CDH24: variants seen among roughly 807,000 people sequenced by gnomAD.
CDH24 encodes the protein cadherin-24.
In CDH24, 61 loss-of-function variants were observed where a neutral mutation model predicts 71.2. The ratio of observed to expected loss-of-function variants is 0.86; its 90% confidence interval spans 0.70 to 1.06. The LOEUF (loss-of-function observed/expected upper bound fraction) is 1.06, where lower values mean the gene tolerates loss of function less well. Ranked by LOEUF, CDH24 falls within the 50% of genes least tolerant of loss-of-function variation. CDH24 has a pLI of 0.00. For missense variants in CDH24, 961 were observed against 1,083.7 expected (o/e 0.89, Z 1.59); for synonymous variants, 440 against 470.2 (o/e 0.94, Z 0.83).
At chr14:23,052,298 A>G in intron 8 of CDH24, 175 bp downstream of exon 8, 1 of 801,398 alleles carries the variant, frequency 1.2e-6, no homozygotes, top group Non-Finnish European at 2.1e-6. Context: ...CCAGGCTAGG[A>G]CCCAGATCCA....
In CDH24 at chr14:23,049,063, G is replaced by C. The variant is rs141827332; in HGVS notation, c.1810C>G (p.Leu604Val). ...LSAAGLSTGA[L>V]LAIITCVGAL... ...CCCACACAGGTGATGATGGCAAGCA[G>C]GGCGCCGGTGCTGAGCCCAGCAGCT... is the stretch of plus-strand genomic sequence containing the variant. The change falls in exon 11 of 13, where the codon CTG becomes GTG. Residue 604 changes from leucine (L) to valine (V), a missense_variant. Physicochemically the swap from Leu to Val is conservative, Grantham distance 32. Around this residue, in one of 2 missense-constraint regions of CDH24, gnomAD observed 671 missense variants for 810.9 expected, o/e 0.83. Transcript: ENST00000487137. The C allele has an allele frequency of 6.2e-7, 1 of 1,612,816 alleles. No individual in the cohort carries two copies. The highest frequency in any genetic ancestry group is 8.5e-7 in the Non-Finnish European group (1 of 1,179,914).
Position 23,054,856 on chromosome 14 carries a change from C to T in CDH24, c.507G>A (p.Val169=). Reference sequence around the variant, plus strand: ...CAGCATCGTGAGCAGTCACCTGGATCACTGATGTCCCTGTGGGGGATGCCA... The same window carrying T: ...CAGCATCGTGAGCAGTCACCTGGATTACTGATGTCCCTGTGGGGGATGCCA... The part of the protein sequence containing the change: ...VPEMSNVGTS[V]IQVTAHDADD... The change falls in exon 4 of 13, where the codon GTG becomes GTA. Residue 169 remains valine (V), a synonymous_variant. Coordinates refer to ENST00000487137, the MANE Select transcript of CDH24 (RefSeq NM_144985.4). This position sits in a 1 kb window ranked among gnomAD's most constrained non-coding sequence, Gnocchi z 5.2. The T allele has an allele frequency of 6.2e-7, 1 of 1,613,212 alleles. No homozygotes were observed. The highest frequency in any genetic ancestry group is 8.5e-7 in the Non-Finnish European group (1 of 1,179,996).
chr14:23,052,557 C>T lies in CDH24; in HGVS notation c.1279G>A (p.Glu427Lys), dbSNP rs779451314. Reference protein sequence around the residue: ...DPERCFSIQPEEGTIHTAAPL... With the variant: ...DPERCFSIQPKEGTIHTAAPL... ...GCTGCTGTATGGATGGTGCCTTCCT[C>T]GGGCTGGATAGAGAAGCAACGCTCC... The change falls in exon 8 of 13, where the codon GAG (glutamate) becomes AAG (lysine). Residue 427 changes from glutamate to lysine, a missense_variant. By Grantham distance (56) the Glu-to-Lys change is moderately conservative. Around this residue, in one of 2 missense-constraint regions of CDH24, gnomAD observed 671 missense variants for 810.9 expected, o/e 0.83. Transcript: ENST00000487137. 2.1e-5 allele frequency: 34 copies of T among 1,613,912 alleles called. No homozygotes were observed. Among genetic ancestry groups the T allele is most frequent in the African/African-American group, 1.9e-4 (14 of 74,920 alleles).
Position 23,055,506 on chromosome 14 carries a change from A to G in CDH24, c.201+27T>C, listed in dbSNP as rs937515685. The G allele has an allele frequency of 1.9e-6, 3 of 1,610,954 alleles. No homozygotes were observed. Among genetic ancestry groups the G allele is most frequent in the African/African-American group, 2.7e-5 (2 of 74,858 alleles). ...GCAGGGCCTGAGGGCTTGGTGTCAG[A>G]GTAGACATGGGAGGGGTCATCCTTA... On this transcript the variant is annotated intron_variant, in intron 2 of 12. Transcript: ENST00000487137. The surrounding 1 kb of genome is among the most constrained non-coding windows in gnomAD (Gnocchi z 4.1).
Position 23,054,030 on chromosome 14 carries a change from A to G in CDH24, c.972+111T>C. 1 of 1,192,844 alleles carries G rather than the reference A, an allele frequency of 8.4e-7. No homozygotes were observed. Among genetic ancestry groups the G allele is most frequent in the Non-Finnish European group, 1.2e-6 (1 of 858,152 alleles). The allele number at this position is 1,192,844 out of a possible 1,614,324, so 73.9% of individuals were successfully genotyped here. ...GGATGAGGAGGTGACCATGATCTCT[A>G]AGCTCCAACAGAGAGATCCTGAGTC... On this transcript the variant is annotated intron_variant, in intron 6 of 12. Transcript: ENST00000487137. This position sits in a 1 kb window ranked among gnomAD's most constrained non-coding sequence, Gnocchi z 5.2.
rs541396738 is a variant in CDH24 at position 23,047,683 on chromosome 14, G to T, written c.*297C>A. 4.7e-4 allele frequency: 133 copies of T among 281,096 alleles called. No homozygotes were observed. Among genetic ancestry groups the T allele is most frequent in the African/African-American group, 2.5e-3 (114 of 45,332 alleles). 17.4% of individuals were successfully genotyped at this position (281,096 alleles called of 1,614,324 possible). A position where few individuals can be genotyped will look rare whatever the true frequency, so the allele number is the denominator to read the frequency against. Reference sequence around the variant, plus strand: ...ACTGCAGAGACAAAACGCCACGGAGGAAGGAGAGGAATCACAGTGAGAGAT... The same window carrying T: ...ACTGCAGAGACAAAACGCCACGGAGTAAGGAGAGGAATCACAGTGAGAGAT... On this transcript the variant is annotated 3_prime_UTR_variant, in exon 12 of 13. Coordinates refer to ENST00000487137, the MANE Select transcript of CDH24 (RefSeq NM_144985.4).
rs2047059835 is a variant in CDH24, at chr14:23,048,450, G to A, written c.1876C>T (p.Arg626Trp). Residue 626 changes from arginine (R) to tryptophan (W), a missense_variant, in exon 12 of 13, where the codon CGG (arginine) becomes TGG (tryptophan). By Grantham distance (101) the Arg-to-Trp change is moderately radical. Coordinates refer to ENST00000487137, the MANE Select transcript of CDH24 (RefSeq NM_144985.4). ...ALVVLFVALRRQKQEALMVLE... is the reference protein window; with the variant it reads ...ALVVLFVALRWQKQEALMVLE... ...ACCATCAGTGCTTCTTGCTTCTGCC[G>A]CCGCAGGGCCACGAAGAGCACCACC... 2.5e-6 allele frequency: 4 copies of A among 1,610,058 alleles called. No homozygotes were observed. The highest frequency in any genetic ancestry group is 1.7e-4 in the Middle Eastern group (1 of 6,060).
In CDH24 at chr14:23,054,783, C is replaced by T. The variant is rs1172197346; in HGVS notation, c.580G>A (p.Asp194Asn). ...TCCACAGAGAAGAAAGGCAGTCCAT[C>T]CAGAACAGTGTACACCAGCTTGGCA... ...NSAKLVYTVLDGLPFFSVDPQ... is the reference protein window; with the variant it reads ...NSAKLVYTVLNGLPFFSVDPQ... Residue 194 changes from aspartate to asparagine, a missense_variant, in exon 4 of 13, where the codon GAT becomes AAT. This residue lies in a region of CDH24 where 671 missense variants were observed against 810.9 expected (regional missense o/e 0.83). Transcript: ENST00000487137. This position sits in a 1 kb window ranked among gnomAD's most constrained non-coding sequence, Gnocchi z 5.2. The T allele has an allele frequency of 1.2e-6, 2 of 1,614,148 alleles. No individual in the cohort carries two copies. The highest frequency in any genetic ancestry group is 1.7e-6 in the Non-Finnish European group (2 of 1,180,028).
In CDH24 at chr14:23,047,798, C is replaced by T. The variant is rs970465327; in HGVS notation, c.*182G>A. 23 of 386,512 alleles carry T rather than the reference C, an allele frequency of 6.0e-5. No individual in the cohort carries two copies. The highest frequency in any genetic ancestry group is 1.0e-4 in the Non-Finnish European group (22 of 220,464). The allele number at this position is 386,512 out of a possible 1,614,324, so 23.9% of individuals were successfully genotyped here. A position where few individuals can be genotyped will look rare whatever the true frequency, so the allele number is the denominator to read the frequency against. ...AAAGATTCCTGGAGAGAGACACACA[C>T]ACCGACTCAGGAGGAGGGAGGTGAG... On this transcript the variant is annotated 3_prime_UTR_variant, in exon 12 of 13. Transcript: ENST00000487137.
chr14:23,051,911 G>A lies in CDH24; in HGVS notation c.1363+562C>T, dbSNP rs145703208. On this transcript the variant is annotated intron_variant, in intron 8 of 12. Transcript: ENST00000487137. The surrounding 1 kb of genome is among the most constrained non-coding windows in gnomAD (Gnocchi z 4.4). ...GAACCCGCTGCTGGCCTGACTGATG[G>A]GGGAGACCGCATATGGAGCTGGCAC... 1.4e-3 allele frequency: 1,394 copies of A among 999,756 alleles called. 17 individuals carry two copies. In the African/African-American group the frequency reaches 0.02, roughly 14 times the overall value. The allele number at this position is 999,756 out of a possible 1,614,324, so 61.9% of individuals were successfully genotyped here. A position where few individuals can be genotyped will look rare whatever the true frequency, so the allele number is the denominator to read the frequency against.
Position 23,049,158 on chromosome 14 carries a change from A to T in CDH24, c.1715T>A (p.Val572Glu), listed in dbSNP as rs1344355344. 6.3e-7 allele frequency: 1 copy of T among 1,592,748 alleles called. No homozygotes were observed. Among genetic ancestry groups the T allele is most frequent in the East Asian group, 2.3e-5 (1 of 43,650 alleles). ...GQPALSSTAT[V>E]TVSVCRCQPD... ...CTGGCAGCGGCACACACTAACAGTCACTGTGGCAGTGCTGCTCAGCGCCGG... is the reference window on the plus strand; with the variant it reads ...CTGGCAGCGGCACACACTAACAGTCTCTGTGGCAGTGCTGCTCAGCGCCGG... Residue 572 changes from valine to glutamate, a missense_variant, in exon 11 of 13, where the codon GTG becomes GAG. Around this residue, in one of 2 missense-constraint regions of CDH24, gnomAD observed 671 missense variants for 810.9 expected, o/e 0.83. Coordinates refer to ENST00000487137, the MANE Select transcript of CDH24 (RefSeq NM_144985.4).
chr14:23,054,128 G>T lies in CDH24; in HGVS notation c.972+13C>A. On this transcript the variant is annotated intron_variant, in intron 6 of 12. Transcript: ENST00000487137. This position sits in a 1 kb window ranked among gnomAD's most constrained non-coding sequence, Gnocchi z 5.2. ...CAGGTCTAAGAGAAAGCATTAACAG[G>T]CAGGAGGCTAACCTTGCGGACAGTG... 1.3e-6 allele frequency: 2 copies of T among 1,576,258 alleles called. No individual in the cohort carries two copies.
chr14:23,052,101 C>T, intron 8 of CDH24: 1 of 1,384,564 alleles, frequency 7.2e-7, no homozygotes, highest in South Asian at 1.2e-5. Flanking sequence ...AGAGAGTGGG[C>T]AGGATGGGGT....
Position 23,047,619 on chromosome 14 carries a change from G to C in CDH24, c.*361C>G, listed in dbSNP as rs891095640. The C allele has an allele frequency of 2.1e-5, 4 of 186,512 alleles. No individual in the cohort carries two copies. Among genetic ancestry groups the C allele is most frequent in the Non-Finnish European group, 4.4e-5 (4 of 90,830 alleles). 11.6% of individuals were successfully genotyped at this position (186,512 alleles called of 1,614,324 possible). On this transcript the variant is annotated 3_prime_UTR_variant, in exon 12 of 13. Transcript: ENST00000487137. ...GAGACAGACACAGAGCATGTGTATGGGCAAGGAAGACGCAGGGAGACTATG... is the reference window on the plus strand; with the variant it reads ...GAGACAGACACAGAGCATGTGTATGCGCAAGGAAGACGCAGGGAGACTATG...
chr14:23,049,319 C>T (rs1234349381), intron 10 of CDH24, 44 bp from the exon 11 acceptor site: 2 of 1,524,484 alleles, frequency 1.3e-6, no homozygotes, highest in African/African-American at 1.4e-5. Context: ...GGGACACCTT[C>T]CAGGTAGGGT....
In CDH24 at chr14:23,052,451, T is replaced by C. The variant is rs779549121; in HGVS notation, c.1363+22A>G. ...CCTCGGCCAGGAGGCTGCTGCCGCC[T>C]TGTGGGCCCTGGAGTCCTCACCGAG... is the stretch of plus-strand genomic sequence containing the variant. On this transcript the variant is annotated intron_variant, in intron 8 of 12. Coordinates refer to ENST00000487137, the MANE Select transcript of CDH24 (RefSeq NM_144985.4). 19 of 1,613,056 alleles carry C rather than the reference T, an allele frequency of 1.2e-5. 1 individual carries two copies. In the South Asian group the frequency reaches 1.6e-4, roughly 14 times the overall value.
In CDH24 at chr14:23,055,333, C is replaced by T. The variant is rs1307242282; in HGVS notation, c.222G>A (p.Arg74=). The stretch of plus-strand genomic sequence containing the variant: ...ACAGGTACTTGGTGCGGCCCTCTCC[C>T]CGGTCAACATCCGAGTGCAGCTGCA... ...LIGKLHSDVD[R]GEGRTKYLLT... Residue 74 remains arginine (R), a synonymous_variant, in exon 3 of 13, where the codon CGG becomes CGA. Coordinates refer to ENST00000487137, the MANE Select transcript of CDH24 (RefSeq NM_144985.4). The surrounding 1 kb of genome is among the most constrained non-coding windows in gnomAD (Gnocchi z 4.1). 6.2e-7 allele frequency: 1 copy of T among 1,607,474 alleles called. No individual in the cohort carries two copies. The highest frequency in any genetic ancestry group is 8.5e-7 in the Non-Finnish European group (1 of 1,174,370).
In CDH24 at chr14:23,048,439, T is replaced by C. The variant is rs1594722920; in HGVS notation, c.1887A>G (p.Gln629=). The C allele has an allele frequency of 6.2e-7, 1 of 1,611,432 alleles. No individual in the cohort carries two copies. Among genetic ancestry groups the C allele is most frequent in the Non-Finnish European group, 8.5e-7 (1 of 1,179,612 alleles). ...CCTCCTCCAGTACCATCAGTGCTTC[T>C]TGCTTCTGCCGCCGCAGGGCCACGA... The part of the protein sequence containing the change: ...VLFVALRRQK[Q]EALMVLEEED... Residue 629 remains glutamine (Q), a synonymous_variant, in exon 12 of 13, where the codon CAA becomes CAG. Transcript: ENST00000487137.
In CDH24 at chr14:23,055,459, G is replaced by A; in HGVS notation, c.201+74C>T. 1.3e-6 allele frequency: 2 copies of A among 1,592,538 alleles called. No individual in the cohort carries two copies. The highest frequency in any genetic ancestry group is 1.7e-6 in the Non-Finnish European group (2 of 1,166,304). ...GGAGTCCTGAGGGACCAAGGTCATT[G>A]CAGAAGTGATGAAGTTGCAGGGCAG... On this transcript the variant is annotated intron_variant, in intron 2 of 12. Transcript: ENST00000487137. This position sits in a 1 kb window ranked among gnomAD's most constrained non-coding sequence, Gnocchi z 4.1.
Sources: gnomAD v4.1 joint callset for allele counts on GRCh38, gnomAD v4.1.1 for gene constraint, gnomAD v4.1.1 regional missense constraint, Gnocchi (gnomAD v3.1) non-coding constraint, MANE v1.5 for transcripts, NCBI Gene and HGNC (gene_info 2026-07-23, HGNC 2026-07-21) for gene names.